Variants in CYFIP1 observed in about 807,000 individuals in gnomAD.
The protein encoded by CYFIP1 is cytoplasmic FMR1-interacting protein 1.
CYFIP1 carries 58 observed loss-of-function variants against 163.5 expected under a neutral mutation model. The ratio of observed to expected loss-of-function variants is 0.35; its 90% CI spans 0.29 to 0.44. The LOEUF is 0.44. Ranked by LOEUF, CYFIP1 falls within the 20% of genes least tolerant of loss-of-function variation. CYFIP1 has a pLI of 1.00. For missense variants in CYFIP1, 1,338 were observed against 1,653.8 expected, an observed-to-expected ratio of 0.81 and a Z score of 3.31; for synonymous variants, 663 against 660.7, an observed-to-expected ratio of 1.00 and a Z score of -0.05.
intron 11 of CYFIP1, among the ~76,000 whole-genome samples, chr15:22,931,051 T>A (rs2061520440): frequency 6.6e-6 from 1 of 152,102 alleles, no homozygotes; most frequent in Non-Finnish European, 1.5e-5. Flanking sequence ...ATACCTGGAC[T>A]ACTGGGTTGT....
intron 1 of CYFIP1, among the ~76,000 whole-genome samples, chr15:22,957,403 G>A (rs933083656): frequency 3.9e-5 from 6 of 152,138 alleles, no homozygotes; most frequent in Non-Finnish European, 5.9e-5. Context: ...TTGGGAGGCC[G>A]AGGCAGGTGG....
intron 9 of CYFIP1, among the ~76,000 whole-genome samples, chr15:22,934,148 T>TA (rs139040424): frequency 0.48 from 54,444 of 113,606 alleles, 12,651 homozygotes; most frequent in Middle Eastern, 0.62. Context: ...TCCACAGTCA[T>TA]AAAAAAAAAA....
chr15:22,889,221 T>C (rs1015535130), intron 23 of CYFIP1, among the ~76,000 whole-genome samples: 13 of 151,726 alleles, frequency 8.6e-5, no homozygotes, highest in South Asian at 2.1e-4. Flanking sequence ...ATCAAATCTT[T>C]CTTTCTCTCC....
chr15:22,919,954 C>G (rs1430147374), intron 13 of CYFIP1, among the ~76,000 whole-genome samples: 3 of 151,602 alleles, frequency 2.0e-5, no homozygotes, highest in Non-Finnish European at 4.4e-5. Flanking sequence ...CCTAGGAGTT[C>G]GAGGCTGCAG....
rs778545064 is a variant in CYFIP1, at chr15:22,918,733, C to T, written c.1485G>A (p.Pro495=). 1.2e-5 allele frequency: 20 copies of T among 1,610,066 alleles called. No individual in the cohort carries two copies. The highest frequency in any genetic ancestry group is 1.7e-5 in the Admixed American group (1 of 59,096). The part of the protein sequence containing the change: ...QDFSQVTLRE[P]LRQAIKKKKN... The stretch of plus-strand genomic sequence containing the variant: ...TCTTCTTCTTGATGGCCTGCCGCAG[C>T]GGCTCCCTAAGGGTCACCTGGGAGA... The change falls in exon 14 of 31, where the codon CCG becomes CCA. Residue 495 remains proline, a synonymous_variant. Transcript: ENST00000617928.
Position 22,922,781 on chromosome 15 carries a change from G to A in CYFIP1, c.1359+3201C>T, listed in dbSNP as rs1032478496. On this transcript the variant is annotated intron_variant, in intron 13 of 30. Coordinates refer to ENST00000617928, the MANE Select transcript of CYFIP1 (RefSeq NM_014608.6). ...CAAAGGCGGGTAGATCACCTGAGGT[G>A]AGGGGTTCAGGACCAGCCTGGCCAA... Among the ~76,000 whole-genome samples, 5 of 152,166 alleles carry A rather than the reference G, an allele frequency of 3.3e-5. No homozygotes were observed. In the South Asian group the frequency reaches 8.3e-4, roughly 25 times the overall value.
At chr15:22,881,970 C>A (rs543847352) in intron 24 of CYFIP1, 34 bp from the exon 25 acceptor site, 4 of 1,585,708 alleles carry the variant, frequency 2.5e-6, no homozygotes, top group African/African-American at 2.7e-5. Flanking sequence ...GCGTCAGCCA[C>A]CCCACTCCGC....
chr15:22,936,448 C>A (rs1035511612), intron 9 of CYFIP1, among the ~76,000 whole-genome samples: 21 of 152,284 alleles, frequency 1.4e-4, no homozygotes, highest in African/African-American at 4.3e-4. Flanking sequence ...CTAGCCAATA[C>A]AATCTCAATG....
At chr15:22,891,466 A>G (rs922212853) in intron 23 of CYFIP1, among the ~76,000 whole-genome samples, 3 of 152,190 alleles carry the variant, frequency 2.0e-5, no homozygotes, top group African/African-American at 7.2e-5. Context: ...CAAGGACATA[A>G]TGTTTACACA....
At chr15:22,915,132 T>A (rs1453864112) in intron 16 of CYFIP1, 1 of 285,452 alleles carries the variant, frequency 3.5e-6, no homozygotes, top group Non-Finnish European at 6.5e-6. Flanking sequence ...GAAAGTGTCT[T>A]TTTTTTTTTT....
intron 11 of CYFIP1, among the ~76,000 whole-genome samples, 165 bp from the exon 12 acceptor site, chr15:22,928,193 A>G (rs1301687697): frequency 1.3e-5 from 2 of 152,104 alleles, no homozygotes; most frequent in African/African-American, 4.8e-5. Context: ...AGACCATCCT[A>G]AAACGGTGAA....
chr15:22,933,916 T>C lies in CYFIP1; in HGVS notation c.901-23A>G, dbSNP rs189995544. ...TTGCTGTATTCAAAGAACAAAAAAA[T>C]AGAGTCATTATGTATATTTAGTCAC... On this transcript the variant is annotated intron_variant, in intron 9 of 30. Coordinates refer to ENST00000617928, the MANE Select transcript of CYFIP1 (RefSeq NM_014608.6). 89 of 1,543,914 alleles carry C rather than the reference T, an allele frequency of 5.8e-5. 1 individual carries two copies. In the African/African-American group the frequency reaches 1.1e-3, roughly 19 times the overall value.
intron 8 of CYFIP1, 99 bp downstream of exon 8, chr15:22,939,093 G>A: frequency 6.8e-7 from 1 of 1,462,756 alleles, no homozygotes; most frequent in East Asian, 2.3e-5. Flanking sequence ...ATGCAAATAA[G>A]ACACAGCTGT....
chr15:22,951,615 G>C, intron 1 of CYFIP1: 1 of 1,217,428 alleles, frequency 8.2e-7, no homozygotes, highest in Non-Finnish European at 1.1e-6. Context: ...GCCTGGGGGC[G>C]TGTCCAGTCA....
Position 22,947,003 on chromosome 15 carries a change from C to G in CYFIP1, c.207G>C (p.Met69Ile). The change falls in exon 3 of 31, where the codon ATG becomes ATC. Residue 69 changes from methionine (M) to isoleucine (I), a missense_variant and splice_region_variant. Met to Ile is a conservative substitution (Grantham distance 10, BLOSUM62 1). Coordinates refer to ENST00000617928, the MANE Select transcript of CYFIP1 (RefSeq NM_014608.6). ...YIEQATVHSS[M>I]NEMLEEGQEY... ...AAACAAAGACACACCGCAACATTAC[C>G]ATGCTAGAGTGGACGGTGGCTTGTT... 6.2e-7 allele frequency: 1 copy of G among 1,613,022 alleles called. No individual in the cohort carries two copies. Among genetic ancestry groups the G allele is most frequent in the Non-Finnish European group, 8.5e-7 (1 of 1,178,966 alleles).
rs534314341 is a variant in CYFIP1, at chr15:22,913,635, G to C, written c.1985+1091C>G. Among the ~76,000 whole-genome samples, 49 of 138,330 alleles carry C rather than the reference G, an allele frequency of 3.5e-4. No homozygotes were observed. The East Asian group carries it at 7.3e-3, about 21-fold the overall frequency. The allele number at this position is 138,330 out of a possible 152,430, so 90.7% of individuals were successfully genotyped here. ...AAAAAAAAAAAAAAAAAAGAACAAA[G>C]GTGAAGGTCCTGGATCCCACAGCTC... On this transcript the variant is annotated intron_variant, in intron 17 of 30. Transcript: ENST00000617928.
intron 26 of CYFIP1, among the ~76,000 whole-genome samples, chr15:22,876,341 T>G (rs1488159736): frequency 1.3e-5 from 2 of 151,984 alleles, no homozygotes; most frequent in Non-Finnish European, 2.9e-5. Flanking sequence ...CTTTCCCTGT[T>G]TCTAATGCAG....
chr15:22,946,628 A>T, intron 3 of CYFIP1: 1 of 359,832 alleles, frequency 2.8e-6, no homozygotes, highest in Non-Finnish European at 5.5e-6. Context: ...GTGGCAGAGC[A>T]AGACTCTGTC....
chr15:22,920,926 G>A (rs1167652031), intron 13 of CYFIP1, among the ~76,000 whole-genome samples: 1 of 152,138 alleles, frequency 6.6e-6, no homozygotes, highest in Non-Finnish European at 1.5e-5. Context: ...CACACTTACA[G>A]GAAGAAGGAA....
Sources: allele counts gnomAD v4.1 joint callset (sites outside exome capture counted in the v4.1 genomes callset), GRCh38; gene constraint gnomAD v4.1.1; transcripts MANE v1.5; gene names NCBI Gene and HGNC (gene_info 2026-07-23, HGNC 2026-07-21).